Variants in PTPRN2 observed in about 807,000 individuals in gnomAD.
PTPRN2 encodes protein tyrosine phosphatase receptor type N2.
Under a neutral mutation model 118.8 loss-of-function variants are expected in PTPRN2, and 74 were observed. The ratio of observed to expected loss-of-function variants is 0.62; its 90% CI spans 0.52 to 0.76. The LOEUF (loss-of-function observed/expected upper bound fraction) is 0.76. Among genes scored for constraint, PTPRN2 ranks in the 30% least tolerant of loss-of-function variants. The pLI is 0.00. For synonymous variants in PTPRN2, 641 were observed against 608.0 expected (o/e 1.05, Z -0.80); for missense variants, 1,481 against 1,394.4 (o/e 1.06, Z -0.99).
chr7:158,492,837 G>A (rs1362846402), intron 1 of PTPRN2, among the ~76,000 whole-genome samples: 5 of 152,168 alleles, frequency 3.3e-5, no homozygotes, highest in African/African-American at 7.2e-5. Context: ...CAGGCGCCTC[G>A]GGCACACGCC....
intron 17 of PTPRN2, among the ~76,000 whole-genome samples, chr7:157,582,019 A>C (rs1039410195): frequency 6.6e-6 from 1 of 152,218 alleles, no homozygotes; most frequent in African/African-American, 2.4e-5. Context: ...GGCTTCGGAG[A>C]GCGTGGCCCT....
chr7:157,939,414 G>C (rs768463348), intron 11 of PTPRN2, among the ~76,000 whole-genome samples: 3 of 152,244 alleles, frequency 2.0e-5, no homozygotes, highest in South Asian at 2.1e-4. Context: ...AGCTGCTCTA[G>C]AGACCAGGCC....
At chr7:157,815,688 C>A (rs1391226606) in intron 12 of PTPRN2, among the ~76,000 whole-genome samples, 1 of 152,178 alleles carries the variant, frequency 6.6e-6, no homozygotes, top group African/African-American at 2.4e-5. Flanking sequence ...AGAGAGCCAC[C>A]CACATCCAAG....
At chr7:157,829,467 G>A (rs114715800) in intron 12 of PTPRN2, among the ~76,000 whole-genome samples, 1,575 of 152,340 alleles carry the variant, frequency 0.01, 25 homozygotes, top group African/African-American at 0.034. Context: ...CAGGCCATAC[G>A]TGGGGTTAGG....
chr7:158,391,131 G>A (rs1003788790), intron 2 of PTPRN2, among the ~76,000 whole-genome samples: 13 of 152,226 alleles, frequency 8.5e-5, no homozygotes, highest in African/African-American at 2.7e-4. Flanking sequence ...ACAGCTGCAG[G>A]AACAAATACT....
chr7:158,335,983 A>T (rs2151189584), intron 2 of PTPRN2, among the ~76,000 whole-genome samples: 1 of 7,772 alleles, frequency 1.3e-4, no homozygotes, highest in Non-Finnish European at 2.6e-4. Context: ...TCACCATAAG[A>T]GGTGACACCT....
At chr7:158,489,052 A>G (rs1821241385) in intron 2 of PTPRN2, among the ~76,000 whole-genome samples, 1 of 152,264 alleles carries the variant, frequency 6.6e-6, no homozygotes, top group African/African-American at 2.4e-5. Flanking sequence ...GTATTTCATA[A>G]TAACTGCCGT....
rs527342500 is a variant in PTPRN2, at chr7:158,570,538, C to A, written c.112+17020G>T. 6.6e-6 allele frequency among the ~76,000 whole-genome samples: 1 copy of A among 152,246 alleles called. No individual in the cohort carries two copies. The highest frequency in any genetic ancestry group is 2.1e-4 in the South Asian group (1 of 4,808). ...CCCGTGGTGGGTCCCGATCCCCCGGCCGGCTCTGCCACTGAAGCCTCTCCC... is the reference window on the plus strand; with the variant it reads ...CCCGTGGTGGGTCCCGATCCCCCGGACGGCTCTGCCACTGAAGCCTCTCCC... On this transcript the variant is annotated intron_variant, in intron 1 of 22. Transcript: ENST00000389418. The surrounding 1 kb of genome is among the most constrained non-coding windows in gnomAD (Gnocchi z 4.5).
intron 13 of PTPRN2, among the ~76,000 whole-genome samples, chr7:157,664,269 A>C (rs1796029724): frequency 6.6e-6 from 1 of 152,142 alleles, no homozygotes; most frequent in Non-Finnish European, 1.5e-5. Flanking sequence ...CTTCTTTAAA[A>C]CCTCAGTTGA....
At chr7:158,058,055 A>G (rs922282561) in intron 11 of PTPRN2, among the ~76,000 whole-genome samples, 1 of 152,240 alleles carries the variant, frequency 6.6e-6, no homozygotes, top group Non-Finnish European at 1.5e-5. Flanking sequence ...TTGTAAGTAA[A>G]TCTGCATAAA....
intron 5 of PTPRN2, among the ~76,000 whole-genome samples, chr7:158,167,942 A>G (rs1177022299): frequency 2.6e-5 from 4 of 152,212 alleles, no homozygotes; most frequent in Non-Finnish European, 2.9e-5. Context: ...CCTTTTGGCT[A>G]TTTTGAATAA....
At chr7:157,965,342 A>G (rs918583023) in intron 11 of PTPRN2, among the ~76,000 whole-genome samples, 1 of 152,174 alleles carries the variant, frequency 6.6e-6, no homozygotes, top group African/African-American at 2.4e-5. Context: ...CTGATAGCAC[A>G]TAAAGAGACG....
chr7:158,024,683 A>G (rs796909943), intron 11 of PTPRN2, among the ~76,000 whole-genome samples: 5 of 152,344 alleles, frequency 3.3e-5, no homozygotes, highest in African/African-American at 1.2e-4. Flanking sequence ...CCTTGTGACA[A>G]ACAAGCAATG....
chr7:158,139,924 A>G (rs925305873), intron 6 of PTPRN2, among the ~76,000 whole-genome samples: 3 of 152,050 alleles, frequency 2.0e-5, no homozygotes, highest in African/African-American at 4.8e-5. Flanking sequence ...AAGGAGAGAC[A>G]TTTTCATATC....
intron 12 of PTPRN2, among the ~76,000 whole-genome samples, chr7:157,859,887 T>A (rs1313117010): frequency 9.8e-6 from 1 of 102,068 alleles, no homozygotes; most frequent in East Asian, 3.2e-4. Flanking sequence ...CCCCAGCCAC[T>A]GTACACACTC....
rs11975428 is a variant in PTPRN2, at chr7:158,570,508, G to A, written c.112+17050C>T. Among the ~76,000 whole-genome samples the A allele has an allele frequency of 6.2e-3, 947 of 152,184 alleles. 14 individuals carry two copies. Among genetic ancestry groups the A allele is most frequent in the African/African-American group, 0.021 (883 of 41,548 alleles). ...GCAGCTCCGACCCCTCAACTGACGC[G>A]TCTCCCCGTGGTGGGTCCCGATCCC... On this transcript the variant is annotated intron_variant, in intron 1 of 22. Transcript: ENST00000389418. This position sits in a 1 kb window ranked among gnomAD's most constrained non-coding sequence, Gnocchi z 4.5.
chr7:158,310,731 C>A (rs184752925), intron 3 of PTPRN2, among the ~76,000 whole-genome samples: 7 of 137,236 alleles, frequency 5.1e-5, no homozygotes, highest in Non-Finnish European at 4.8e-5. Flanking sequence ...AGCGCAAGTC[C>A]CACGGAGGGC....
intron 2 of PTPRN2, among the ~76,000 whole-genome samples, chr7:158,359,678 C>T (rs1041522385): frequency 5.3e-5 from 8 of 152,170 alleles, no homozygotes; most frequent in Non-Finnish European, 1.0e-4. Context: ...AACCCAGCCT[C>T]AGCACAGTAG....
chr7:158,559,071 C>T (rs557274339), intron 1 of PTPRN2, among the ~76,000 whole-genome samples: 2 of 152,346 alleles, frequency 1.3e-5, no homozygotes, highest in Admixed American at 6.5e-5. Context: ...CAGATCCCGA[C>T]AGAGCAGAGG....
Sources: allele counts gnomAD v4.1 joint callset (sites outside exome capture counted in the v4.1 genomes callset), GRCh38; gene constraint gnomAD v4.1.1; non-coding constraint Gnocchi (gnomAD v3.1); transcripts MANE v1.5; gene names NCBI Gene and HGNC (gene_info 2026-07-23, HGNC 2026-07-21).